NOTCH2NLB: variants seen among roughly 807,000 people sequenced by gnomAD.
The protein encoded by NOTCH2NLB is notch homolog 2 N-terminal-like protein B.
A neutral mutation model predicts 14.8 loss-of-function variants in NOTCH2NLB; 1 was observed. The ratio of observed to expected loss-of-function variants is 0.07; its 90% confidence interval spans 0.02 to 0.32. The LOEUF (loss-of-function observed/expected upper bound fraction) is 0.32, where lower values mean the gene tolerates loss of function less well. Among genes scored for constraint, NOTCH2NLB ranks in the 10% least tolerant of loss-of-function variants. The pLI is 1.00. For missense variants in NOTCH2NLB, 11 were observed against 155.0 expected (o/e 0.07, Z 4.93); for synonymous variants, 6 against 57.5 (o/e 0.10, Z 4.05).
At chr1:148,689,287 TG>T in the NOTCH2NLB span, among the ~76,000 whole-genome samples, 1 of 112,038 alleles carries the variant, frequency 8.9e-6, no homozygotes, top group Non-Finnish European at 1.8e-5. Flanking sequence ...AGTTTTGTTT[TG>T]TTTTGTTTTT....
chr1:148,631,352 CTGTT>C, intron 2 of NOTCH2NLB, among the ~76,000 whole-genome samples: 1 of 88,682 alleles, frequency 1.1e-5, no homozygotes, highest in East Asian at 3.6e-4. Context: ...AAGTAGAAGA[CTGTT>C]TAGGAGAAGA....
chr1:148,679,235 A>ACCCC (rs1664880162), intron 1 of NOTCH2NLB, among the ~76,000 whole-genome samples: 1 of 23,954 alleles, frequency 4.2e-5, no homozygotes, highest in Non-Finnish European at 8.7e-5. Flanking sequence ...CGGGGAGCAG[A>ACCCC]GGCGGCGGGG....
chr1:148,693,101 C>G, the NOTCH2NLB span, among the ~76,000 whole-genome samples: 1 of 58,308 alleles, frequency 1.7e-5, no homozygotes, highest in Admixed American at 1.8e-4. Flanking sequence ...CCCCCCCCCC[C>G]ACCATCCATT....
chr1:148,661,298 A>T (rs1473287531), intron 1 of NOTCH2NLB, among the ~76,000 whole-genome samples: 1 of 149,336 alleles, frequency 6.7e-6, no homozygotes, highest in Non-Finnish European at 1.5e-5. Context: ...GCACTATTAT[A>T]AAAAAAGTTT....
rs1206630856 is a variant in NOTCH2NLB at position 148,645,818 on chromosome 1, C to A, written c.4-5729G>T. Among the ~76,000 whole-genome samples the A allele has an allele frequency of 2.0e-5, 3 of 150,932 alleles. No individual in the cohort carries two copies. The East Asian group carries it at 5.8e-4, about 29-fold the overall frequency. On this transcript the variant is annotated intron_variant, in intron 1 of 4. Transcript: ENST00000593495. ...TCTCAATTCAGCACTACAGGGTCTT[C>A]TAGCTCTCTGCTTTTTCACTTTTAA... is the stretch of plus-strand genomic sequence containing the variant.
intron 1 of NOTCH2NLB, among the ~76,000 whole-genome samples, chr1:148,651,091 C>T (rs1308145314): frequency 2.6e-4 from 31 of 120,960 alleles, no homozygotes; most frequent in African/African-American, 7.6e-4. Flanking sequence ...TGCAATGAGC[C>T]GAGATTGTGC....
intron 2 of NOTCH2NLB, among the ~76,000 whole-genome samples, chr1:148,637,655 A>C (rs1265461854): frequency 6.9e-6 from 1 of 145,320 alleles, no homozygotes; most frequent in East Asian, 2.0e-4. Flanking sequence ...TACATGTGCC[A>C]TGGTGGTTTG....
downstream of NOTCH2NLB, among the ~76,000 whole-genome samples, chr1:148,605,003 C>A (rs1377167454): frequency 7.0e-6 from 1 of 142,862 alleles, no homozygotes; most frequent in African/African-American, 2.7e-5. Flanking sequence ...TGATATGTAA[C>A]AAGTACTATT....
At chr1:148,640,157 A>G in intron 1 of NOTCH2NLB, 68 bp from the exon 2 acceptor site, 1 of 428,376 alleles carries the variant, frequency 2.3e-6, no homozygotes, top group Non-Finnish European at 3.7e-6. Context: ...CTCAGACACC[A>G]AAGAAGTGTA....
chr1:148,650,764 A>AAAACCAC (rs1664482459), intron 1 of NOTCH2NLB, among the ~76,000 whole-genome samples: 1 of 102,334 alleles, frequency 9.8e-6, no homozygotes, highest in Admixed American at 1.0e-4. Context: ...CCTGAGGCCA[A>AAAACCAC]AAACCTTGGA....
chr1:148,633,561 AC>A (rs1664158476), intron 2 of NOTCH2NLB, among the ~76,000 whole-genome samples: 1 of 31,542 alleles, frequency 3.2e-5, no homozygotes, highest in Admixed American at 3.0e-4. Flanking sequence ...TCAAAAAAAA[AC>A]AACAACAAAA....
At chr1:148,605,279 T>C (rs1230708552), downstream of NOTCH2NLB, among the ~76,000 whole-genome samples, 7 of 137,364 alleles carry the variant, frequency 5.1e-5, no homozygotes, top group Admixed American at 5.0e-4. Context: ...TTACTTCATG[T>C]GGGAAGACTT....
At chr1:148,651,156 A>ATATAT (rs1422306675) in intron 1 of NOTCH2NLB, among the ~76,000 whole-genome samples, 20 of 80,172 alleles carry the variant, frequency 2.5e-4, no homozygotes, top group African/African-American at 9.5e-4. Flanking sequence ...AAAAAAAAAA[A>ATATAT]AAAAAAATAT....
At chr1:148,670,514 G>T (rs1664740927) in intron 1 of NOTCH2NLB, among the ~76,000 whole-genome samples, 3 of 104,860 alleles carry the variant, frequency 2.9e-5, no homozygotes, top group South Asian at 3.4e-4. Context: ...TATATATGTA[G>T]ATCTGTTCAT....
rs1663740486 is a variant in NOTCH2NLB, at chr1:148,613,122, C to T, written c.337+2569G>A. On this transcript the variant is annotated intron_variant, in intron 3 of 4. Coordinates refer to ENST00000593495, the Ensembl canonical transcript of NOTCH2NLB. ...ATTTTCTTTCTCCTTTATCATGTGA[C>T]ATAAGATTTATTGACTTCACATCAG... is the stretch of plus-strand genomic sequence containing the variant. Among the ~76,000 whole-genome samples the T allele has an allele frequency of 4.7e-5, 7 of 148,090 alleles. 1 individual carries two copies. Among genetic ancestry groups the T allele is most frequent in the Non-Finnish European group, 1.0e-4 (7 of 66,870 alleles).
chr1:148,604,944 G>A (rs1430231733), downstream of NOTCH2NLB, among the ~76,000 whole-genome samples: 17 of 119,306 alleles, frequency 1.4e-4, no homozygotes, highest in South Asian at 2.7e-4. Flanking sequence ...TCTGCACAAC[G>A]CCATATACAC....
chr1:148,606,144 TTAAA>T (rs1473874328), downstream of NOTCH2NLB, among the ~76,000 whole-genome samples: 2 of 13,388 alleles, frequency 1.5e-4, no homozygotes, highest in Non-Finnish European at 1.3e-4. Context: ...TTCTTGTGAC[TTAAA>T]TAATATAAAA....
intron 1 of NOTCH2NLB, among the ~76,000 whole-genome samples, chr1:148,670,632 C>G (rs1201220713): frequency 9.7e-6 from 1 of 103,208 alleles, no homozygotes; most frequent in Non-Finnish European, 2.1e-5. Context: ...AGACGTATAC[C>G]AAAAAATTAA....
At chr1:148,638,558 TG>T (rs1384541103) in intron 2 of NOTCH2NLB, among the ~76,000 whole-genome samples, 4 of 145,246 alleles carry the variant, frequency 2.8e-5, no homozygotes, top group African/African-American at 1.0e-4. Flanking sequence ...ATGCACCACA[TG>T]TTTTTTTTCC....
Sources: gnomAD v4.1 joint callset for allele counts (sites outside exome capture counted in the v4.1 genomes callset) on GRCh38, gnomAD v4.1.1 for gene constraint, MANE v1.5 for transcripts, NCBI Gene and HGNC (gene_info 2026-07-23, HGNC 2026-07-21) for gene names.